The following ARB2A variants were observed in gnomAD, a reference collection of about 807,000 sequenced individuals.
The protein encoded by ARB2A is ARB2 cotranscriptional regulator A.
the ARB2A span, among the ~76,000 whole-genome samples, chr5:93,833,903 C>T: frequency 6.6e-6 from 1 of 152,104 alleles, no homozygotes; most frequent in African/African-American, 2.4e-5. Context: ...TTGTATAGTG[C>T]TGAGGTTTGA....
chr5:93,763,569 G>A, the ARB2A span, among the ~76,000 whole-genome samples: 1 of 152,144 alleles, frequency 6.6e-6, no homozygotes, highest in South Asian at 2.1e-4. Flanking sequence ...GACCTACAAA[G>A]AGACTTAGAC....
the ARB2A span, among the ~76,000 whole-genome samples, chr5:94,105,586 C>T: frequency 1.3e-5 from 2 of 152,010 alleles, no homozygotes; most frequent in Non-Finnish European, 2.9e-5. Flanking sequence ...AATGCTACTC[C>T]TATCAAGCTA....
the ARB2A span, among the ~76,000 whole-genome samples, chr5:93,878,981 G>T: frequency 6.6e-6 from 1 of 152,172 alleles, no homozygotes; most frequent in East Asian, 1.9e-4. Flanking sequence ...AGGACAAAAT[G>T]ATGTGATTCA....
At chr5:93,717,835 C>CTTTTT in the ARB2A span, among the ~76,000 whole-genome samples, 2 of 136,328 alleles carry the variant, frequency 1.5e-5, no homozygotes, top group Non-Finnish European at 3.2e-5. Context: ...AATTCATATT[C>CTTTTT]TTTTTTTTTT....
chr5:94,000,330 G>A, the ARB2A span, among the ~76,000 whole-genome samples: 1 of 151,996 alleles, frequency 6.6e-6, no homozygotes, highest in Admixed American at 6.6e-5. Flanking sequence ...ATTTGGTGTT[G>A]TCAGTGTTTT....
chr5:93,665,516 C>A, the ARB2A span, among the ~76,000 whole-genome samples: 1 of 152,096 alleles, frequency 6.6e-6, no homozygotes, highest in Non-Finnish European at 1.5e-5. Context: ...AAGAGATAGA[C>A]CAAAGACAGA....
the ARB2A span, among the ~76,000 whole-genome samples, chr5:93,791,128 A>AC: frequency 2.0e-5 from 3 of 152,068 alleles, no homozygotes; most frequent in Admixed American, 6.5e-5. Context: ...TCCCATCTCC[A>AC]CCCCTACTTC....
chr5:94,045,044 G>A, the ARB2A span, among the ~76,000 whole-genome samples: 1 of 147,850 alleles, frequency 6.8e-6, no homozygotes, highest in Non-Finnish European at 1.5e-5. Flanking sequence ...GCTTGAACCT[G>A]GGAGGCTGGA....
At chr5:93,969,172 TTTA>T in the ARB2A span, among the ~76,000 whole-genome samples, 2 of 151,784 alleles carry the variant, frequency 1.3e-5, no homozygotes, top group Non-Finnish European at 2.9e-5. Flanking sequence ...AATAAAATAT[TTTA>T]TTATTCTTAT....
the ARB2A span, among the ~76,000 whole-genome samples, chr5:93,850,449 T>A: frequency 6.6e-6 from 1 of 152,126 alleles, no homozygotes; most frequent in Non-Finnish European, 1.5e-5. Context: ...ACTGACCCTC[T>A]CAAATATCTG....
At chr5:93,850,145 A>G in the ARB2A span, among the ~76,000 whole-genome samples, 4 of 152,192 alleles carry the variant, frequency 2.6e-5, no homozygotes, top group Non-Finnish European at 4.4e-5. Context: ...TTTTTATATA[A>G]GTAACCACAT....
the ARB2A span, among the ~76,000 whole-genome samples, chr5:94,072,174 A>C: frequency 6.6e-6 from 1 of 152,150 alleles, no homozygotes; most frequent in African/African-American, 2.4e-5. Context: ...ACAAAACTAA[A>C]GGGATGGAGA....
the ARB2A span, among the ~76,000 whole-genome samples, chr5:93,694,124 G>A: frequency 2.0e-5 from 3 of 152,074 alleles, no homozygotes; most frequent in South Asian, 2.1e-4. Flanking sequence ...TTTGAAAACC[G>A]CCACAAGACA....
At chr5:93,900,816 T>C in the ARB2A span, among the ~76,000 whole-genome samples, 2 of 152,046 alleles carry the variant, frequency 1.3e-5, no homozygotes, top group East Asian at 1.9e-4. Context: ...CAATAGTATA[T>C]AAAATTAAAT....
chr5:93,941,962 T>C, the ARB2A span, among the ~76,000 whole-genome samples: 5 of 152,216 alleles, frequency 3.3e-5, no homozygotes, highest in Non-Finnish European at 4.4e-5. Context: ...AGAGACAATC[T>C]AGATGCAAAC....
At chr5:93,871,512 CCTTT>C in the ARB2A span, among the ~76,000 whole-genome samples, 1 of 152,090 alleles carries the variant, frequency 6.6e-6, no homozygotes, top group Non-Finnish European at 1.5e-5. Flanking sequence ...TTAAAATAGA[CCTTT>C]CTTTTACAAT....
At chr5:93,997,850 T>A in the ARB2A span, among the ~76,000 whole-genome samples, 1 of 151,972 alleles carries the variant, frequency 6.6e-6, no homozygotes, top group Non-Finnish European at 1.5e-5. Context: ...ACTGCTATAT[T>A]GACCCTCACA....
the ARB2A span, among the ~76,000 whole-genome samples, chr5:93,971,569 A>AAAAT: frequency 0.26 from 36,035 of 139,054 alleles, 4,790 homozygotes; most frequent in Middle Eastern, 0.29. Flanking sequence ...CTCCGTCTCA[A>AAAAT]AAATAAATAA....
the ARB2A span, among the ~76,000 whole-genome samples, chr5:94,013,543 C>T: frequency 6.6e-6 from 1 of 152,194 alleles, no homozygotes; most frequent in South Asian, 2.1e-4. Context: ...GTTTCTTTAA[C>T]TCTTTGGGGC....
Sources: allele counts gnomAD v4.1 joint callset (sites outside exome capture counted in the v4.1 genomes callset), GRCh38; gene constraint gnomAD v4.1.1; transcripts MANE v1.5; gene names NCBI Gene and HGNC (gene_info 2026-07-23, HGNC 2026-07-21).